Variants in PNPLA7 observed in about 807,000 individuals in gnomAD.
The protein encoded by PNPLA7 is patatin like domain 7, lysophospholipase, also known as patatin-like phospholipase domain-containing protein 7.
PNPLA7 carries 153 observed loss-of-function variants against 161.7 expected under a neutral mutation model. The observed-to-expected ratio is 0.95, with a 90% confidence interval of 0.83 to 1.08. PNPLA7 has a LOEUF of 1.08. Among genes scored for constraint, PNPLA7 ranks in the 50% least tolerant of loss-of-function variants. PNPLA7 has a pLI of 0.00. For missense variants in PNPLA7, 1,739 were observed against 1,856.6 expected, an observed-to-expected ratio of 0.94 and a Z score of 1.16; for synonymous variants, 809 against 782.1, an observed-to-expected ratio of 1.03 and a Z score of -0.57.
intron 20 of PNPLA7, chr9:137,491,590 C>T (rs1295942007): frequency 1.0e-6 from 1 of 985,286 alleles, no homozygotes; most frequent in Non-Finnish European, 1.2e-6. Flanking sequence ...TAGTGTCCCC[C>T]CAAATTCATG....
At chr9:137,472,405 C>G (rs1176618368) in intron 25 of PNPLA7, among the ~76,000 whole-genome samples, 1 of 152,016 alleles carries the variant, frequency 6.6e-6, no homozygotes, top group Non-Finnish European at 1.5e-5. Context: ...AATCCCAGCA[C>G]TTTGGGAGGC....
intron 20 of PNPLA7, among the ~76,000 whole-genome samples, chr9:137,489,914 AG>A (rs1457937561): frequency 6.6e-6 from 1 of 152,208 alleles, no homozygotes; most frequent in African/African-American, 2.4e-5. Context: ...GAAGAGGTGG[AG>A]GGGCACACGA....
chr9:137,549,468 G>A (rs981561099), intron 1 of PNPLA7, among the ~76,000 whole-genome samples: 2 of 151,768 alleles, frequency 1.3e-5, no homozygotes, highest in African/African-American at 2.4e-5. Flanking sequence ...TACTTGGGAG[G>A]CCGAGGCAGG....
At chr9:137,493,174 A>C (rs2132231076) in intron 19 of PNPLA7, 92 bp from the exon 20 acceptor site, 23 of 1,321,420 alleles carry the variant, frequency 1.7e-5, no homozygotes, top group African/African-American at 4.3e-5. Context: ...AGCGAGACTC[A>C]GCCAATGGCG....
At chr9:137,516,313 C>T (rs544056679) in intron 11 of PNPLA7, 11 of 983,722 alleles carry the variant, frequency 1.1e-5, no homozygotes, top group Non-Finnish European at 1.3e-5. Flanking sequence ...TCAGGTGAAA[C>T]GAGGAAGGAG....
Position 137,460,194 on chromosome 9 carries a change from C to T in PNPLA7, c.*199G>A. ...GAGCTTCAGGGGCCTCACAGGACTG[C>T]AGGGGGGCTCACAGGGCCCTGTATG... On this transcript the variant is annotated 3_prime_UTR_variant, in exon 35 of 35. Coordinates refer to ENST00000406427, the MANE Select transcript of PNPLA7 (RefSeq NM_001098537.3). 1 of 542,636 alleles carries T rather than the reference C, an allele frequency of 1.8e-6. No individual in the cohort carries two copies. Among genetic ancestry groups the T allele is most frequent in the African/African-American group, 1.9e-5 (1 of 52,164 alleles). The allele number at this position is 542,636 out of a possible 1,614,324, so 33.6% of individuals were successfully genotyped here. A position where few individuals can be genotyped will look rare whatever the true frequency, so the allele number is the denominator to read the frequency against.
chr9:137,527,310 C>A (rs928730599), intron 8 of PNPLA7, among the ~76,000 whole-genome samples: 1 of 143,596 alleles, frequency 7.0e-6, no homozygotes, highest in African/African-American at 2.6e-5. Context: ...CAAAAAAAAA[C>A]CCACACACAC....
chr9:137,542,096 T>C (rs1099298), intron 7 of PNPLA7, among the ~76,000 whole-genome samples: 53,516 of 151,972 alleles, frequency 0.35, 11,002 homozygotes, highest in East Asian at 0.68. Context: ...AGAGCAAGGG[T>C]TCAATGGACC....
intron 14 of PNPLA7, among the ~76,000 whole-genome samples, chr9:137,502,753 G>A (rs1159909647): frequency 6.8e-6 from 1 of 147,110 alleles, no homozygotes; most frequent in East Asian, 2.0e-4. Flanking sequence ...GGATGTGGGA[G>A]CCGGCCACGG....
At position 137,521,667 on chromosome 9, in the gene PNPLA7, T is replaced by A. The variant is rs769867105; in HGVS notation, c.926A>T (p.Tyr309Phe). 1.2e-6 allele frequency: 2 copies of A among 1,612,510 alleles called. No individual in the cohort carries two copies. Among genetic ancestry groups the A allele is most frequent in the East Asian group, 2.2e-5 (1 of 44,848 alleles). The change falls in exon 10 of 35, where the codon TAC (tyrosine) becomes TTC (phenylalanine). Residue 309 changes from tyrosine (Y) to phenylalanine (F), a missense_variant. By Grantham distance (22) the Tyr-to-Phe change is conservative (BLOSUM62 3). Coordinates refer to ENST00000406427, the MANE Select transcript of PNPLA7 (RefSeq NM_001098537.3). ...QRVTFLALHN[Y>F]LGLTTELFNA... ...GAAGAGCTCTGTGGTCAGGCCGAGGTAGTTGTGCAGAGCCAGAAAGGTCAC... is the reference window on the plus strand; with the variant it reads ...GAAGAGCTCTGTGGTCAGGCCGAGGAAGTTGTGCAGAGCCAGAAAGGTCAC...
chr9:137,510,822 T>TGTGC (rs1316979279), intron 12 of PNPLA7, among the ~76,000 whole-genome samples: 1 of 152,176 alleles, frequency 6.6e-6, no homozygotes, highest in Admixed American at 6.5e-5. Context: ...GGGCGGAAAG[T>TGTGC]CACCCAGGTG....
chr9:137,464,466 C>T lies in PNPLA7; in HGVS notation c.3040-10G>A, dbSNP rs1233909726. 1 of 1,611,422 alleles carries T rather than the reference C, an allele frequency of 6.2e-7. No individual in the cohort carries two copies. ...TCAAGGACGTCATGCCCTGGGGCCA[C>T]ATGTGGAATTTACAGAAGGCTTCCA... On this transcript the variant is annotated splice_polypyrimidine_tract_variant and intron_variant, in intron 26 of 34. Coordinates refer to ENST00000406427, the MANE Select transcript of PNPLA7 (RefSeq NM_001098537.3).
At chr9:137,544,292 T>G (rs926967866) in intron 4 of PNPLA7, among the ~76,000 whole-genome samples, 3 of 152,184 alleles carry the variant, frequency 2.0e-5, no homozygotes, top group African/African-American at 7.2e-5. Context: ...CTGCCCAGAA[T>G]AGCAGTGGCC....
At chr9:137,492,893 CA>C in intron 20 of PNPLA7, 119 bp downstream of exon 20, 2 of 732,924 alleles carry the variant, frequency 2.7e-6, no homozygotes, top group South Asian at 3.4e-5. Context: ...ACTGGGTGGG[CA>C]GGGCTCCAGG....
intron 25 of PNPLA7, among the ~76,000 whole-genome samples, chr9:137,470,318 T>C (rs919037387): frequency 1.3e-4 from 20 of 152,212 alleles, no homozygotes; most frequent in African/African-American, 4.6e-4. Flanking sequence ...GCCTGGCCTC[T>C]TGGAAGGTTT....
At position 137,506,025 on chromosome 9, in the gene PNPLA7, G is replaced by A; in HGVS notation, c.1284C>T (p.Phe428=). The change falls in exon 13 of 35, where the codon TTC becomes TTT. Residue 428 remains phenylalanine, a synonymous_variant. Transcript: ENST00000406427. ...LGMACDRARV[F]LHSDEHPGSS... is the part of the protein sequence containing the mutation. Reference sequence around the variant, plus strand: ...TCCCGGGGTGCTCGTCCGAGTGCAGGAAGACCCTGGCACGGTCACATGCCA... The same window carrying A: ...TCCCGGGGTGCTCGTCCGAGTGCAGAAAGACCCTGGCACGGTCACATGCCA... 3 of 1,613,042 alleles carry A rather than the reference G, an allele frequency of 1.9e-6. No individual in the cohort carries two copies. Among genetic ancestry groups the A allele is most frequent in the Non-Finnish European group, 2.5e-6 (3 of 1,179,788 alleles).
At chr9:137,501,899 G>A (rs1588617299) in intron 14 of PNPLA7, among the ~76,000 whole-genome samples, 172 bp from the exon 15 acceptor site, 1 of 152,384 alleles carries the variant, frequency 6.6e-6, no homozygotes, top group South Asian at 2.1e-4. Flanking sequence ...TGGGCACCCT[G>A]CAGAGCCACC....
chr9:137,472,358 G>T (rs1350654006), intron 25 of PNPLA7, among the ~76,000 whole-genome samples: 1 of 151,894 alleles, frequency 6.6e-6, no homozygotes, highest in Non-Finnish European at 1.5e-5. Context: ...ACTGTACCCA[G>T]CCTAAACCTC....
intron 17 of PNPLA7, 145 bp from the exon 18 acceptor site, chr9:137,497,455 T>TAAAA: frequency 1.3e-6 from 1 of 795,840 alleles, no homozygotes; most frequent in Non-Finnish European, 1.7e-6. Flanking sequence ...AAACATATTT[T>TAAAA]TTATTTTAAA....
Sources: gnomAD v4.1 joint callset for allele counts (sites outside exome capture counted in the v4.1 genomes callset) on GRCh38, gnomAD v4.1.1 for gene constraint, MANE v1.5 for transcripts, NCBI Gene and HGNC (gene_info 2026-07-23, HGNC 2026-07-21) for gene names.